HPSE2: variants seen among roughly 807,000 people sequenced by gnomAD.
HPSE2 encodes inactive heparanase-2.
A neutral mutation model predicts 60.5 loss-of-function variants in HPSE2; 38 were observed. The ratio of observed to expected loss-of-function variants is 0.63; its 90% CI spans 0.48 to 0.82. The LOEUF (loss-of-function observed/expected upper bound fraction) is 0.82, where lower values mean the gene tolerates loss of function less well. Ranked by LOEUF, HPSE2 falls within the 40% of genes least tolerant of loss-of-function variation. The pLI is 0.00. For missense variants in HPSE2, 713 were observed against 740.4 expected, an observed-to-expected ratio of 0.96 and a Z score of 0.43; for synonymous variants, 295 against 293.2, an observed-to-expected ratio of 1.01 and a Z score of -0.06.
At chr10:99,047,216 T>C (rs754350580) in intron 3 of HPSE2, among the ~76,000 whole-genome samples, 6 of 152,086 alleles carry the variant, frequency 3.9e-5, no homozygotes, top group Non-Finnish European at 8.8e-5. Context: ...AAACAAGCAA[T>C]GGGGAAAGGA....
rs1482947327 is a variant in HPSE2 at position 98,887,909 on chromosome 10, A to G, written c.611-143853T>C. On this transcript the variant is annotated intron_variant, in intron 3 of 11. Transcript: ENST00000370552. ...AAGGTACAGTTGTATACAGTACCCT[A>G]AAACTTAATGTATAATAATAATAAT... 6.1e-5 allele frequency among the ~76,000 whole-genome samples: 7 copies of G among 115,418 alleles called. No homozygotes were observed. In the South Asian group the frequency reaches 1.3e-3, roughly 21 times the overall value. 75.7% of individuals were successfully genotyped at this position (115,418 alleles called of 152,430 possible). A position where few individuals can be genotyped will look rare whatever the true frequency, so the allele number is the denominator to read the frequency against.
intron 3 of HPSE2, among the ~76,000 whole-genome samples, chr10:99,000,365 G>A (rs1001492006): frequency 1.3e-5 from 2 of 152,038 alleles, no homozygotes; most frequent in Non-Finnish European, 2.9e-5. Flanking sequence ...ATGTTTTGTG[G>A]ACACAATTAC....
intron 2 of HPSE2, among the ~76,000 whole-genome samples, chr10:99,203,703 A>T (rs1004071041): frequency 2.6e-5 from 4 of 152,106 alleles, no homozygotes; most frequent in African/African-American, 9.7e-5. Flanking sequence ...CATCCAGGCC[A>T]GCACCCACAC....
intron 3 of HPSE2, among the ~76,000 whole-genome samples, chr10:98,755,906 G>C (rs1477010102): frequency 6.6e-6 from 1 of 152,170 alleles, no homozygotes; most frequent in Admixed American, 6.5e-5. Flanking sequence ...TGAGGTGAGA[G>C]AACTGCTTGA....
At chr10:98,565,477 T>C (rs1944315730) in intron 9 of HPSE2, among the ~76,000 whole-genome samples, 1 of 152,188 alleles carries the variant, frequency 6.6e-6, no homozygotes, top group Non-Finnish European at 1.5e-5. Flanking sequence ...GCTTCCAGCT[T>C]CATCCATGTC....
intron 6 of HPSE2, among the ~76,000 whole-genome samples, chr10:98,667,362 G>A (rs1451093021): frequency 2.0e-5 from 3 of 152,118 alleles, no homozygotes; most frequent in Admixed American, 1.3e-4. Flanking sequence ...AGAAGAACTG[G>A]TATCAATCAT....
In HPSE2 at chr10:98,826,976, C is replaced by CA. The variant is rs754529761; in HGVS notation, c.611-82921dup. Among the ~76,000 whole-genome samples the CA allele has an allele frequency of 1.1e-4, 17 of 151,966 alleles. No homozygotes were observed. The South Asian group carries it at 1.7e-3, about 15-fold the overall frequency. Reference sequence around the variant, plus strand: ...CAGCCTGGGCAACATAGGAAGACCTCATCACTACAAAATTTTTTTAAAAAA... The same window carrying CA: ...CAGCCTGGGCAACATAGGAAGACCTCAATCACTACAAAATTTTTTTAAAAAA... On this transcript the variant is annotated intron_variant, in intron 3 of 11. Transcript: ENST00000370552.
intron 3 of HPSE2, among the ~76,000 whole-genome samples, chr10:99,071,263 T>C (rs1190277138): frequency 6.6e-6 from 1 of 151,982 alleles, no homozygotes; most frequent in Non-Finnish European, 1.5e-5. Context: ...AGAGATGGGG[T>C]TTCGCCATGT....
At chr10:99,099,982 C>T (rs976218450) in intron 3 of HPSE2, among the ~76,000 whole-genome samples, 2 of 152,142 alleles carry the variant, frequency 1.3e-5, no homozygotes, top group African/African-American at 4.8e-5. Context: ...TACACCAAAA[C>T]CCCATCTGTA....
chr10:99,155,679 T>C (rs1846516756), intron 2 of HPSE2, among the ~76,000 whole-genome samples: 1 of 149,032 alleles, frequency 6.7e-6, no homozygotes, highest in Non-Finnish European at 1.5e-5. Context: ...CACCCTAACA[T>C]CACAATTAAA....
At chr10:98,548,591 T>G (rs1471352) in intron 9 of HPSE2, among the ~76,000 whole-genome samples, 4 of 150,114 alleles carry the variant, frequency 2.7e-5, no homozygotes, top group African/African-American at 9.8e-5. Context: ...TACTCTAGCC[T>G]GGGCAACAGA....
chr10:98,581,339 CA>C (rs757886854), intron 9 of HPSE2, among the ~76,000 whole-genome samples: 2 of 152,066 alleles, frequency 1.3e-5, no homozygotes, highest in South Asian at 4.1e-4. Context: ...TCTTAATGAT[CA>C]AAACCAATTT....
At chr10:98,609,380 A>G (rs567645845) in intron 9 of HPSE2, among the ~76,000 whole-genome samples, 1 of 152,266 alleles carries the variant, frequency 6.6e-6, no homozygotes, top group South Asian at 2.1e-4. Flanking sequence ...TAATAAGTGA[A>G]CATTTGCATA....
At chr10:99,011,296 G>A (rs1042014034) in intron 3 of HPSE2, among the ~76,000 whole-genome samples, 1 of 151,918 alleles carries the variant, frequency 6.6e-6, no homozygotes, top group Admixed American at 6.6e-5. Flanking sequence ...TAGATATTGA[G>A]TATTTCACAT....
intron 9 of HPSE2, among the ~76,000 whole-genome samples, chr10:98,536,644 C>T (rs923883602): frequency 1.3e-4 from 20 of 152,138 alleles, no homozygotes; most frequent in African/African-American, 4.6e-4. Flanking sequence ...TCAACAGATT[C>T]GTGCTGGAGA....
chr10:98,583,358 T>C (rs1487882206), intron 9 of HPSE2, among the ~76,000 whole-genome samples: 1 of 152,158 alleles, frequency 6.6e-6, no homozygotes, highest in Non-Finnish European at 1.5e-5. Flanking sequence ...CTCTGTAGAG[T>C]GTACTTTCGT....
chr10:99,203,704 G>A (rs1437799968), intron 2 of HPSE2, among the ~76,000 whole-genome samples: 2 of 152,194 alleles, frequency 1.3e-5, no homozygotes, highest in East Asian at 3.9e-4. Context: ...ATCCAGGCCA[G>A]CACCCACACG....
chr10:98,842,968 T>C (rs1951951546), intron 3 of HPSE2, among the ~76,000 whole-genome samples: 1 of 152,156 alleles, frequency 6.6e-6, no homozygotes, highest in Non-Finnish European at 1.5e-5. Context: ...TCACACAGGC[T>C]TCTTTCACTC....
intron 3 of HPSE2, among the ~76,000 whole-genome samples, chr10:99,072,235 G>A (rs924874300): frequency 6.6e-6 from 1 of 151,918 alleles, no homozygotes; most frequent in African/African-American, 2.4e-5. Context: ...GGACATACAC[G>A]CCAGCAAAGA....
Sources: allele counts gnomAD v4.1 joint callset (sites outside exome capture counted in the v4.1 genomes callset), GRCh38; gene constraint gnomAD v4.1.1; transcripts MANE v1.5; gene names NCBI Gene and HGNC (gene_info 2026-07-23, HGNC 2026-07-21).